Variants in FBXL15 observed in about 807,000 individuals in gnomAD.
FBXL15 encodes F-box and leucine rich repeat protein 15.
In FBXL15, 19 loss-of-function variants were observed where a neutral mutation model predicts 23.6. The observed-to-expected ratio is 0.81, with a 90% CI of 0.56 to 1.18. FBXL15 has a LOEUF of 1.18. Among genes scored for constraint, FBXL15 ranks in the 50% most tolerant of loss-of-function variants. The pLI is 0.00. For synonymous variants in FBXL15, 224 were observed against 207.7 expected, an observed-to-expected ratio of 1.08 and a Z score of -0.67; for missense variants, 385 against 425.4, an observed-to-expected ratio of 0.91 and a Z score of 0.83.
chr10:102,421,197 AG>A lies in FBXL15; in HGVS notation c.53+19del. On this transcript the variant is annotated intron_variant, in intron 1 of 3. Transcript: ENST00000369956. ...GGAGCCGTCAGGTACCGAGCACCGGAGGGGCCGAGAGGGAAGAGGAACCTGA... is the reference window on the plus strand; with the variant it reads ...GGAGCCGTCAGGTACCGAGCACCGGAGGGCCGAGAGGGAAGAGGAACCTGA... 5.0e-6 allele frequency: 8 copies of A among 1,604,250 alleles called. No individual in the cohort carries two copies. Among genetic ancestry groups the A allele is most frequent in the Non-Finnish European group, 6.8e-6 (8 of 1,175,566 alleles).
In FBXL15 at chr10:102,422,137, C is replaced by A; in HGVS notation, c.558C>A (p.Tyr186Ter). Residue 186 changes from tyrosine to a stop codon, truncating the protein, a stop_gained, in exon 3 of 4, where the codon TAC becomes TAA. Coordinates refer to ENST00000369956, the MANE Select transcript of FBXL15 (RefSeq NM_024326.4). LOFTEE classifies it high-confidence loss of function. ...CRQLKDEAIV[Y>*]LAQRRGAGLR... ...AGCTCAAGGACGAGGCCATCGTGTA[C>A]CTGGCGCAGAGGCGCGGCGCTGGTC... 1 of 1,555,838 alleles carries A rather than the reference C, an allele frequency of 6.4e-7. No homozygotes were observed.
Position 102,420,836 on chromosome 10 carries a change from G to A in FBXL15, c.-294G>A, listed in dbSNP as rs956620086. On this transcript the variant is annotated 5_prime_UTR_variant, in exon 1 of 4. Transcript: ENST00000369956. The stretch of plus-strand genomic sequence containing the variant: ...TGCCTGCTCCTCCCACCACCACTTC[G>A]CTCAGAGGCGGCTACTGGCTCAAGA... 3 of 1,298,454 alleles carry A rather than the reference G, an allele frequency of 2.3e-6. No individual in the cohort carries two copies. The highest frequency in any genetic ancestry group is 2.0e-6 in the Non-Finnish European group (2 of 1,017,736). 80.4% of individuals were successfully genotyped at this position (1,298,454 alleles called of 1,614,324 possible). A position where few individuals can be genotyped will look rare whatever the true frequency, so the allele number is the denominator to read the frequency against.
In FBXL15 at chr10:102,421,338, G is replaced by A; in HGVS notation, c.54-16G>A. 2.6e-6 allele frequency: 4 copies of A among 1,552,692 alleles called. 1 individual carries two copies. The highest frequency in any genetic ancestry group is 4.6e-5 in the East Asian group (2 of 43,918). ...GTGGCCCCGGGACGCCAGTGCCAAC[G>A]CCCCTTTACTCGCAGGTTCCTGGAC... On this transcript the variant is annotated splice_polypyrimidine_tract_variant and intron_variant, in intron 1 of 3. Coordinates refer to ENST00000369956, the MANE Select transcript of FBXL15 (RefSeq NM_024326.4).
intron 2 of FBXL15, 55 bp downstream of exon 2, chr10:102,421,562 C>T (rs1022316519): frequency 2.2e-5 from 31 of 1,438,438 alleles, no homozygotes; most frequent in Non-Finnish European, 2.8e-5. Flanking sequence ...GCCTCTAGCC[C>T]AGCCCCCAGC....
chr10:102,422,074 C>A lies in FBXL15; in HGVS notation c.495C>A (p.Cys165Ter). 6.3e-7 allele frequency: 1 copy of A among 1,586,616 alleles called. No homozygotes were observed. Among genetic ancestry groups the A allele is most frequent in the Non-Finnish European group, 8.5e-7 (1 of 1,170,928 alleles). Residue 165 changes from cysteine to a stop codon, truncating the protein, a stop_gained, in exon 3 of 4, where the codon TGC becomes TGA. Coordinates refer to ENST00000369956, the MANE Select transcript of FBXL15 (RefSeq NM_024326.4). LOFTEE classifies it high-confidence loss of function. The part of the protein sequence containing the change: ...GLALRGLADR[C>*]PALEELDLTA... ...CGCTGCGCGGCCTCGCTGATCGCTG[C>A]CCGGCCCTGGAGGAGCTGGATCTCA...
In FBXL15 at chr10:102,421,168, G is replaced by T. The variant is rs750159057; in HGVS notation, c.39G>T (p.Glu13Asp). ...PPMEPSGGEQ[E>D]PGAVRFLDLP... ...TGGAGCCGTCCGGAGGGGAGCAAGA[G>T]CCCGGAGCCGTCAGGTACCGAGCAC... Residue 13 changes from glutamate (E) to aspartate (D), a missense_variant, in exon 1 of 4, where the codon GAG becomes GAT. This residue lies in a region of FBXL15 where 130 missense variants were observed against 95.1 expected (regional missense o/e 1.37). Transcript: ENST00000369956. The T allele has an allele frequency of 3.7e-6, 6 of 1,610,960 alleles. No homozygotes were observed. The South Asian group carries it at 5.5e-5, about 15-fold the overall frequency.
In FBXL15 at chr10:102,421,972, G is replaced by T. The variant is rs767043482; in HGVS notation, c.393G>T (p.Ala131=). The change falls in exon 3 of 4, where the codon GCG becomes GCT. Residue 131 remains alanine, a synonymous_variant. Transcript: ENST00000369956. ...LGGCGQLSRR[A]LGALAEGCPR... Reference sequence around the variant, plus strand: ...GCTGCGGGCAACTGAGTCGCCGGGCGCTTGGGGCTTTGGCCGAGGGCTGCC... The same window carrying T: ...GCTGCGGGCAACTGAGTCGCCGGGCTCTTGGGGCTTTGGCCGAGGGCTGCC... The T allele has an allele frequency of 1.9e-6, 3 of 1,597,700 alleles. No homozygotes were observed. The highest frequency in any genetic ancestry group is 4.5e-5 in the East Asian group (2 of 44,652).
chr10:102,421,003 T>G lies in FBXL15; in HGVS notation c.-127T>G. The G allele has an allele frequency of 6.5e-7, 1 of 1,542,392 alleles. No individual in the cohort carries two copies. Among genetic ancestry groups the G allele is most frequent in the Non-Finnish European group, 8.8e-7 (1 of 1,142,232 alleles). Reference sequence around the variant, plus strand: ...GGGGTCCACCCGAAAAGCTTTCAGATCGGATCCTCGGTGAGACGGCACTCG... The same window carrying G: ...GGGGTCCACCCGAAAAGCTTTCAGAGCGGATCCTCGGTGAGACGGCACTCG... On this transcript the variant is annotated 5_prime_UTR_variant, in exon 1 of 4. Transcript: ENST00000369956.
chr10:102,421,719 G>T (rs1237035082), intron 2 of FBXL15, 68 bp from the exon 3 acceptor site: 1 of 1,498,350 alleles, frequency 6.7e-7, no homozygotes, highest in Non-Finnish European at 8.9e-7. Context: ...AAGAACTCAG[G>T]TCAGGGGTGC....
chr10:102,421,792 T>C lies in FBXL15; in HGVS notation c.213T>C (p.Gly71=), dbSNP rs2061567959. ...GLRRFDAAQV[G]PQIPRAALAR... is the part of the protein sequence containing the mutation. ...GGGTGCCTCCCCGCCCGCAGGTGGG[T>C]CCGCAGATCCCGCGGGCCGCATTGG... Residue 71 remains glycine (G), a synonymous_variant, in exon 3 of 4, where the codon GGT becomes GGC. Coordinates refer to ENST00000369956, the MANE Select transcript of FBXL15 (RefSeq NM_024326.4). 6.4e-7 allele frequency: 1 copy of C among 1,550,624 alleles called. No homozygotes were observed. The highest frequency in any genetic ancestry group is 1.4e-5 in the African/African-American group (1 of 73,960).
rs1052862027 is a variant in FBXL15, at chr10:102,421,501, C to T, written c.201C>T (p.Ala67=). The change falls in exon 2 of 4, where the codon GCC becomes GCT. Residue 67 remains alanine, a synonymous_variant. Coordinates refer to ENST00000369956, the MANE Select transcript of FBXL15 (RefSeq NM_024326.4). The part of the protein sequence containing the change: ...LHLAGLRRFD[A]AQVGPQIPRA... ...TGGCCGGGCTGCGTCGCTTCGATGCCGCGCAGGTGAGCCGGGGGCTGAAGC... is the reference window on the plus strand; with the variant it reads ...TGGCCGGGCTGCGTCGCTTCGATGCTGCGCAGGTGAGCCGGGGGCTGAAGC... The T allele has an allele frequency of 6.8e-7, 1 of 1,469,296 alleles. No individual in the cohort carries two copies. The highest frequency in any genetic ancestry group is 2.5e-5 in the East Asian group (1 of 40,106). 91.0% of individuals were successfully genotyped at this position (1,469,296 alleles called of 1,614,324 possible). A position where few individuals can be genotyped will look rare whatever the true frequency, so the allele number is the denominator to read the frequency against.
intron 3 of FBXL15, 83 bp from the exon 4 acceptor site, chr10:102,422,721 G>T: frequency 7.0e-7 from 1 of 1,425,654 alleles, no homozygotes; most frequent in Non-Finnish European, 9.4e-7. Context: ...CCAGTCCGAG[G>T]CTGAGTGAGC....
Position 102,421,074 on chromosome 10 carries a change from G to T in FBXL15, c.-56G>T, listed in dbSNP as rs574088793. On this transcript the variant is annotated 5_prime_UTR_variant, in exon 1 of 4. Coordinates refer to ENST00000369956, the MANE Select transcript of FBXL15 (RefSeq NM_024326.4). ...CAGGCCAAGGAGGCGGGTTTGGTGC[G>T]GCCACTCCAAGGCCAAAGCGAGAAA... is the stretch of plus-strand genomic sequence containing the variant. 8 of 1,568,892 alleles carry T rather than the reference G, an allele frequency of 5.1e-6. No individual in the cohort carries two copies. Among genetic ancestry groups the T allele is most frequent in the Non-Finnish European group, 6.9e-6 (8 of 1,156,182 alleles).
rs2061579275 is a variant in FBXL15, at chr10:102,422,894, G to T, written c.804G>T (p.Lys268Asn). Residue 268 changes from lysine to asparagine, a missense_variant, in exon 4 of 4, where the codon AAG becomes AAT. Lys to Asn is a moderately conservative substitution (Grantham distance 94). Transcript: ENST00000369956. ...AGTCCAGCCTGAGCCGCTTGCGGAA[G>T]CGCGGCGTGGACATCGACGTGGAGC... ...VAESSLSRLR[K>N]RGVDIDVEPP... 4 of 1,609,248 alleles carry T rather than the reference G, an allele frequency of 2.5e-6. No individual in the cohort carries two copies. The Admixed American group carries it at 6.7e-5, about 27-fold the overall frequency.
rs768388540 is a variant in FBXL15 at position 102,421,406 on chromosome 10, G to C, written c.106G>C (p.Val36Leu). ...GCTGCTCCCACACGTCCTGAACCGG[G>C]TCCCGCTGCGCCAGCTGCTCCGGCT... ...DVLLPHVLNR[V>L]PLRQLLRLQR... Residue 36 changes from valine to leucine, a missense_variant, in exon 2 of 4, where the codon GTC (valine) becomes CTC (leucine). Transcript: ENST00000369956. The C allele has an allele frequency of 2.5e-5, 40 of 1,570,280 alleles. No homozygotes were observed. Among genetic ancestry groups the C allele is most frequent in the Non-Finnish European group, 3.4e-5 (39 of 1,159,070 alleles).
Position 102,421,028 on chromosome 10 carries a change from G to T in FBXL15, c.-102G>T. ...TCGGATCCTCGGTGAGACGGCACTC[G>T]ATTAAATAGGTCTGTCTCTACAGGC... On this transcript the variant is annotated 5_prime_UTR_variant, in exon 1 of 4. Transcript: ENST00000369956. 2 of 1,548,964 alleles carry T rather than the reference G, an allele frequency of 1.3e-6. No individual in the cohort carries two copies. The highest frequency in any genetic ancestry group is 1.4e-5 in the African/African-American group (1 of 73,046).
chr10:102,421,216 G>A (rs2061556699), intron 1 of FBXL15, 34 bp downstream of exon 1: 1 of 1,597,916 alleles, frequency 6.3e-7, no homozygotes, highest in African/African-American at 1.3e-5. Context: ...GAGGGAAGAG[G>A]AACCTGAGGG....
In FBXL15 at chr10:102,421,993, C is replaced by G; in HGVS notation, c.414C>G (p.Gly138=). Reference sequence around the variant, plus strand: ...GGGCGCTTGGGGCTTTGGCCGAGGGCTGCCCACGCCTGCAGCGCCTGTCGC... The same window carrying G: ...GGGCGCTTGGGGCTTTGGCCGAGGGGTGCCCACGCCTGCAGCGCCTGTCGC... ...SRRALGALAE[G]CPRLQRLSLA... Residue 138 remains glycine (G), a synonymous_variant, in exon 3 of 4, where the codon GGC becomes GGG. Coordinates refer to ENST00000369956, the MANE Select transcript of FBXL15 (RefSeq NM_024326.4). 1 of 1,594,392 alleles carries G rather than the reference C, an allele frequency of 6.3e-7. No homozygotes were observed. The highest frequency in any genetic ancestry group is 1.1e-5 in the South Asian group (1 of 89,994).
Position 102,423,133 on chromosome 10 carries a change from C to T in FBXL15, c.*140C>T. 2.1e-6 allele frequency: 2 copies of T among 951,342 alleles called. No individual in the cohort carries two copies. Among genetic ancestry groups the T allele is most frequent in the East Asian group, 2.6e-5 (1 of 37,806 alleles). 58.9% of individuals were successfully genotyped at this position (951,342 alleles called of 1,614,324 possible). A position where few individuals can be genotyped will look rare whatever the true frequency, so the allele number is the denominator to read the frequency against. On this transcript the variant is annotated 3_prime_UTR_variant, in exon 4 of 4. Transcript: ENST00000369956. The surrounding 1 kb of genome is among the most constrained non-coding windows in gnomAD (Gnocchi z 5.6). Reference sequence around the variant, plus strand: ...GAGCTTCAAATAAAGAGCTTTTTACCCCCTCTTGCCTGGTGCTGCCCTGTT... The same window carrying T: ...GAGCTTCAAATAAAGAGCTTTTTACTCCCTCTTGCCTGGTGCTGCCCTGTT...
Sources: allele counts gnomAD v4.1 joint callset, GRCh38; gene constraint gnomAD v4.1.1; regional missense constraint gnomAD v4.1.1; non-coding constraint Gnocchi (gnomAD v3.1); transcripts MANE v1.5; gene names NCBI Gene and HGNC (gene_info 2026-07-23, HGNC 2026-07-21).